Variants in MRPL18 observed in about 807,000 individuals in gnomAD.
MRPL18 encodes the protein mitochondrial ribosomal protein L18, also known as large ribosomal subunit protein uL18m.
Under a neutral mutation model 20.9 loss-of-function variants are expected in MRPL18, and 16 were observed. The observed-to-expected ratio is 0.76, with a 90% CI of 0.52 to 1.16. The LOEUF is 1.16. Among genes scored for constraint, MRPL18 ranks in the 50% most tolerant of loss-of-function variants. The probability of loss-of-function intolerance (pLI) is 0.00; values close to 1 mark genes in which losing one functional copy is unlikely to be tolerated. For synonymous variants in MRPL18, 91 were observed against 87.1 expected (o/e 1.04, Z -0.25); for missense variants, 233 against 230.6 (o/e 1.01, Z -0.07).
chr6:159,790,408 C>T (rs1780838361), upstream of MRPL18: 4 of 721,062 alleles, frequency 5.5e-6, no homozygotes, highest in Admixed American at 4.5e-5. Flanking sequence ...AACAGATCGC[C>T]TTCTCGGCCA....
At chr6:159,794,945 A>G (rs904421691) in intron 2 of MRPL18, among the ~76,000 whole-genome samples, 1 of 152,266 alleles carries the variant, frequency 6.6e-6, no homozygotes, top group Non-Finnish European at 1.5e-5. Flanking sequence ...GGGATGTGTC[A>G]GGGTCACAAG....
chr6:159,793,562 A>G (rs1214780379), intron 2 of MRPL18, among the ~76,000 whole-genome samples: 1 of 152,170 alleles, frequency 6.6e-6, no homozygotes, highest in African/African-American at 2.4e-5. Context: ...AAAGCCTAAA[A>G]TATTTACTAT....
chr6:159,793,383 AAATC>A (rs1780953428), intron 2 of MRPL18, among the ~76,000 whole-genome samples: 1 of 152,188 alleles, frequency 6.6e-6, no homozygotes, highest in South Asian at 2.1e-4. Context: ...GTTAAAAAAA[AAATC>A]AAAAGAATAT....
chr6:159,792,414 C>T (rs972972085), intron 2 of MRPL18, among the ~76,000 whole-genome samples: 4 of 152,164 alleles, frequency 2.6e-5, no homozygotes, highest in Admixed American at 6.5e-5. Flanking sequence ...CTAGGCATTG[C>T]GTTAGAGGCA....
At position 159,790,848 on chromosome 6, in the gene MRPL18, G is replaced by A. The variant is rs199722291; in HGVS notation, c.53-92G>A. 7.5e-5 allele frequency: 112 copies of A among 1,502,070 alleles called. No individual in the cohort carries two copies. The East Asian group carries it at 2.0e-3, about 27-fold the overall frequency. The allele number at this position is 1,502,070 out of a possible 1,614,324, so 93.0% of individuals were successfully genotyped here. ...TTTCGTCCCCTCGGGCCTAAAGATTGGGGGTGTAAAAGCGGATAGACGTTA... is the reference window on the plus strand; with the variant it reads ...TTTCGTCCCCTCGGGCCTAAAGATTAGGGGTGTAAAAGCGGATAGACGTTA... On this transcript the variant is annotated intron_variant, in intron 1 of 3. Transcript: ENST00000367034.
chr6:159,791,765 C>T (rs1434640145), intron 2 of MRPL18, among the ~76,000 whole-genome samples: 1 of 152,070 alleles, frequency 6.6e-6, no homozygotes, highest in African/African-American at 2.4e-5. Flanking sequence ...ATTAGAGGGG[C>T]GTGGTGGTGC....
chr6:159,790,304 C>G (rs913022523), upstream of MRPL18, among the ~76,000 whole-genome samples: 2 of 152,114 alleles, frequency 1.3e-5, no homozygotes, highest in African/African-American at 4.8e-5. Flanking sequence ...CGGACTTAAG[C>G]AACAAGCGTG....
At chr6:159,790,229 T>C (rs533761537), upstream of MRPL18, among the ~76,000 whole-genome samples, 8 of 152,256 alleles carry the variant, frequency 5.3e-5, no homozygotes, top group Admixed American at 3.3e-4. Flanking sequence ...GACCAGTCGA[T>C]GACCGCCCAA....
At chr6:159,791,159 G>A in intron 2 of MRPL18, 33 bp downstream of exon 2, 1 of 1,611,486 alleles carries the variant, frequency 6.2e-7, no homozygotes, top group South Asian at 1.1e-5. Flanking sequence ...GACAAGGGCA[G>A]TGCACCCTAC....
In MRPL18 at chr6:159,790,500, G is replaced by C. The variant is rs911092331; in HGVS notation, c.-88G>C. On this transcript the variant is annotated 5_prime_UTR_variant, in exon 1 of 4. Coordinates refer to ENST00000367034, the MANE Select transcript of MRPL18 (RefSeq NM_014161.5). ...GGGGATCTACAGCAGCCAAAGGCTT[G>C]TCCCTGACTTTATATGGCTGCTCCT... is the stretch of plus-strand genomic sequence containing the variant. 6.3e-6 allele frequency: 10 copies of C among 1,581,182 alleles called. No individual in the cohort carries two copies. The highest frequency in any genetic ancestry group is 4.5e-5 in the East Asian group (2 of 44,758).
intron 2 of MRPL18, 54 bp downstream of exon 2, chr6:159,791,180 C>T: frequency 1.3e-6 from 2 of 1,589,334 alleles, no homozygotes; most frequent in Non-Finnish European, 8.6e-7. Flanking sequence ...AGACTATTTT[C>T]ATTCATTCAA....
At chr6:159,793,034 C>T (rs1780941371) in intron 2 of MRPL18, among the ~76,000 whole-genome samples, 1 of 151,526 alleles carries the variant, frequency 6.6e-6, no homozygotes, top group Non-Finnish European at 1.5e-5. Context: ...TTGCTGCTGC[C>T]CAGGCTGGTC....
In MRPL18 at chr6:159,790,708, G is replaced by A. The variant is rs74955386; in HGVS notation, c.52+69G>A. ...TTGCACAGTACATTGGAACGTGCGG[G>A]TTCTATTTTGTATTCGACGTGCCGG... On this transcript the variant is annotated intron_variant, in intron 1 of 3. Coordinates refer to ENST00000367034, the MANE Select transcript of MRPL18 (RefSeq NM_014161.5). 61 of 1,581,740 alleles carry A rather than the reference G, an allele frequency of 3.9e-5. No individual in the cohort carries two copies. In the East Asian group the frequency reaches 1.3e-3, roughly 34 times the overall value.
chr6:159,792,179 A>G (rs1002263104), intron 2 of MRPL18, among the ~76,000 whole-genome samples: 1 of 152,204 alleles, frequency 6.6e-6, no homozygotes. Context: ...TAAGATTTAC[A>G]TATGTTTTAA....
In MRPL18 at chr6:159,790,594, C is replaced by G. The variant is rs746815205; in HGVS notation, c.7C>G (p.Leu3Val). Reference protein sequence around the residue: MALRSRFWGLFSV... With the variant: MAVRSRFWGLFSV... ...TTCCGAGATCGTCTCAGCGATGGCGCTTCGGTCGCGGTTTTGGGGGTTGTT... is the reference window on the plus strand; with the variant it reads ...TTCCGAGATCGTCTCAGCGATGGCGGTTCGGTCGCGGTTTTGGGGGTTGTT... Residue 3 changes from leucine (L) to valine (V), a missense_variant, in exon 1 of 4, where the codon CTT becomes GTT. Transcript: ENST00000367034. 1 of 1,573,518 alleles carries G rather than the reference C, an allele frequency of 6.4e-7. No individual in the cohort carries two copies. The highest frequency in any genetic ancestry group is 8.6e-7 in the Non-Finnish European group (1 of 1,161,504).
intron 2 of MRPL18, among the ~76,000 whole-genome samples, chr6:159,794,009 T>C (rs374355249): frequency 1.8e-4 from 27 of 152,350 alleles, no homozygotes; most frequent in African/African-American, 6.3e-4. Context: ...CTATTTCACA[T>C]TGAGAATCCT....
In MRPL18 at chr6:159,797,480, G is replaced by T; in HGVS notation, c.433G>T (p.Val145Phe). 1 of 1,614,196 alleles carries T rather than the reference G, an allele frequency of 6.2e-7. No homozygotes were observed. The change falls in exon 3 of 4, where the codon GTC becomes TTC. Residue 145 changes from valine to phenylalanine, a missense_variant. Coordinates refer to ENST00000367034, the MANE Select transcript of MRPL18 (RefSeq NM_014161.5). ...RCLEAGINFM[V>F]YQPTPWEAAS... ...CTTAGAGGCGGGAATCAACTTCATG[G>T]TCTACCAACCAACCCCGTGGGAGGC...
chr6:159,795,671 A>T lies in MRPL18; in HGVS notation c.240-1616A>T, dbSNP rs547538249. On this transcript the variant is annotated intron_variant, in intron 2 of 3. Transcript: ENST00000367034. ...ACTTCTTTCTACACAGACAGTAACA[A>T]TCTGATCTCTTGCTTTTCCCCACAA... is the stretch of plus-strand genomic sequence containing the variant. Among the ~76,000 whole-genome samples the T allele has an allele frequency of 2.0e-5, 3 of 152,342 alleles. No homozygotes were observed. In the East Asian group the frequency reaches 5.8e-4, roughly 29 times the overall value.
At position 159,791,886 on chromosome 6, in the gene MRPL18, C is replaced by CA. The variant is rs59145481; in HGVS notation, c.239+773dup. 9.9e-3 allele frequency among the ~76,000 whole-genome samples: 1,308 copies of CA among 132,140 alleles called. 9 individuals carry two copies. The highest frequency in any genetic ancestry group is 0.026 in the African/African-American group (932 of 35,770). The allele number at this position is 132,140 out of a possible 152,430, so 86.7% of individuals were successfully genotyped here. A position where few individuals can be genotyped will look rare whatever the true frequency, so the allele number is the denominator to read the frequency against. On this transcript the variant is annotated intron_variant, in intron 2 of 3. Transcript: ENST00000367034. The stretch of plus-strand genomic sequence containing the variant: ...TGGGCGACAGAGCAAAATTCTGTCT[C>CA]AAAAAAAAAAAAATCATTTTAGCTG...
Sources: allele counts gnomAD v4.1 joint callset (sites outside exome capture counted in the v4.1 genomes callset), GRCh38; gene constraint gnomAD v4.1.1; transcripts MANE v1.5; gene names NCBI Gene and HGNC (gene_info 2026-07-23, HGNC 2026-07-21).